POU6F2: variants seen among roughly 807,000 people sequenced by gnomAD.
POU6F2 encodes the protein POU domain, class 6, transcription factor 2.
Under a neutral mutation model 71.3 loss-of-function variants are expected in POU6F2, and 31 were observed. The ratio of observed to expected loss-of-function variants is 0.43; its 90% confidence interval spans 0.33 to 0.59. The LOEUF is 0.59. Ranked by LOEUF, POU6F2 falls within the 20% of genes least tolerant of loss-of-function variation. The pLI is 0.04. For missense variants in POU6F2, 783 were observed against 856.8 expected (o/e 0.91, Z 1.07); for synonymous variants, 347 against 355.7 (o/e 0.98, Z 0.27).
chr7:39,431,660 G>A (rs1788105494), intron 6 of POU6F2, among the ~76,000 whole-genome samples: 1 of 152,174 alleles, frequency 6.6e-6, no homozygotes, highest in Admixed American at 6.5e-5. Context: ...GGGTCAGCCA[G>A]ACCTGGACTG....
At chr7:39,042,060 A>G (rs768447903) in intron 1 of POU6F2, among the ~76,000 whole-genome samples, 3 of 152,006 alleles carry the variant, frequency 2.0e-5, no homozygotes, top group Non-Finnish European at 4.4e-5. Context: ...AAGAATGGGC[A>G]GGAGAGCATG....
intron 4 of POU6F2, among the ~76,000 whole-genome samples, chr7:39,298,351 G>A (rs1207402136): frequency 6.6e-6 from 1 of 152,110 alleles, no homozygotes; most frequent in African/African-American, 2.4e-5. Flanking sequence ...TGTGGGCAAA[G>A]GATATGAACA....
intron 4 of POU6F2, among the ~76,000 whole-genome samples, chr7:39,230,634 T>C (rs1438742913): frequency 6.6e-6 from 1 of 152,032 alleles, no homozygotes; most frequent in Non-Finnish European, 1.5e-5. Context: ...CCCATAGCAA[T>C]AGAAGAATTT....
intron 1 of POU6F2, chr7:39,006,757 G>A: frequency 8.2e-7 from 1 of 1,214,274 alleles, no homozygotes; most frequent in Non-Finnish European, 1.2e-6. Context: ...TTTCTTCTAG[G>A]CATGAACTCT....
At chr7:39,247,467 A>G (rs2128752251) in intron 4 of POU6F2, among the ~76,000 whole-genome samples, 2 of 149,636 alleles carry the variant, frequency 1.3e-5, no homozygotes, top group South Asian at 4.3e-4. Context: ...AAAAGAAAGA[A>G]AGAGAGAAAG....
chr7:39,118,631 A>G (rs1171718249), intron 2 of POU6F2, among the ~76,000 whole-genome samples: 1 of 152,212 alleles, frequency 6.6e-6, no homozygotes, highest in Non-Finnish European at 1.5e-5. Context: ...AAAATTAATG[A>G]GAAAGTTAGA....
chr7:39,354,074 T>C (rs1267182300), intron 5 of POU6F2, among the ~76,000 whole-genome samples: 2 of 152,214 alleles, frequency 1.3e-5, no homozygotes, highest in Non-Finnish European at 2.9e-5. Flanking sequence ...TTTTCCTGGC[T>C]TGCTCTGACC....
intron 5 of POU6F2, among the ~76,000 whole-genome samples, chr7:39,369,247 C>G (rs1297598881): frequency 6.6e-6 from 1 of 152,204 alleles, no homozygotes; most frequent in East Asian, 1.9e-4. Flanking sequence ...CCAGCCCAAC[C>G]TCCAGCAACC....
chr7:39,369,528 T>A (rs967595319), intron 5 of POU6F2, among the ~76,000 whole-genome samples: 3 of 150,956 alleles, frequency 2.0e-5, no homozygotes, highest in African/African-American at 4.9e-5. Context: ...GCCCAGCTAA[T>A]TTTTTTTTGT....
intron 1 of POU6F2, among the ~76,000 whole-genome samples, chr7:39,055,346 A>C (rs1790484188): frequency 6.6e-6 from 1 of 152,158 alleles, no homozygotes; most frequent in South Asian, 2.1e-4. Context: ...AGGGCAGATA[A>C]TTTATTATTG....
At chr7:39,434,859 C>T (rs935266871) in intron 7 of POU6F2, among the ~76,000 whole-genome samples, 1 of 152,054 alleles carries the variant, frequency 6.6e-6, no homozygotes, top group African/African-American at 2.4e-5. Flanking sequence ...GTTCAACTCC[C>T]CGTTATGAGT....
chr7:39,240,461 G>C (rs1182241006), intron 4 of POU6F2, among the ~76,000 whole-genome samples: 1 of 152,092 alleles, frequency 6.6e-6, no homozygotes, highest in Non-Finnish European at 1.5e-5. Flanking sequence ...TAAATGGAAA[G>C]TTGATTTCTA....
At chr7:39,120,315 T>G (rs1792014444) in intron 2 of POU6F2, among the ~76,000 whole-genome samples, 1 of 152,172 alleles carries the variant, frequency 6.6e-6, no homozygotes, top group African/African-American at 2.4e-5. Context: ...GTGTATCTGA[T>G]TCTAATGCTG....
chr7:39,152,360 T>C (rs1036152082), intron 2 of POU6F2, among the ~76,000 whole-genome samples: 4 of 152,154 alleles, frequency 2.6e-5, no homozygotes, highest in Non-Finnish European at 5.9e-5. Context: ...AAAACCTTTC[T>C]GTCCCCAAAG....
At chr7:39,164,153 TTCC>T (rs1406384752) in intron 2 of POU6F2, among the ~76,000 whole-genome samples, 7 of 152,052 alleles carry the variant, frequency 4.6e-5, no homozygotes, top group African/African-American at 1.7e-4. Context: ...GAATTAGCCA[TTCC>T]GCAATGTATA....
chr7:39,103,714 G>A (rs181675495), intron 2 of POU6F2, among the ~76,000 whole-genome samples: 108 of 152,276 alleles, frequency 7.1e-4, no homozygotes, highest in African/African-American at 2.5e-3. Flanking sequence ...TAGTAAGCCA[G>A]GGTAGTTTTG....
At chr7:39,002,494 C>T (rs1172286140) in intron 1 of POU6F2, among the ~76,000 whole-genome samples, 2 of 152,132 alleles carry the variant, frequency 1.3e-5, no homozygotes, top group African/African-American at 2.4e-5. Context: ...ACTACAGGCA[C>T]GTGCCGCTAT....
At chr7:39,357,145 T>C (rs530340613) in intron 5 of POU6F2, among the ~76,000 whole-genome samples, 3 of 152,072 alleles carry the variant, frequency 2.0e-5, no homozygotes, top group Middle Eastern at 3.2e-3. Context: ...AAAATGAAAA[T>C]GGATCTCCTA....
chr7:39,088,289 A>C (rs552093988), intron 2 of POU6F2, among the ~76,000 whole-genome samples: 17 of 151,932 alleles, frequency 1.1e-4, no homozygotes, highest in African/African-American at 3.4e-4. Context: ...TATTCTCATA[A>C]GGTTTCCTTT....
Sources: allele counts gnomAD v4.1 joint callset (sites outside exome capture counted in the v4.1 genomes callset), GRCh38; gene constraint gnomAD v4.1.1; transcripts MANE v1.5; gene names NCBI Gene and HGNC (gene_info 2026-07-23, HGNC 2026-07-21).